SH3PXD2B: variants seen among roughly 807,000 people sequenced by gnomAD.
SH3PXD2B encodes SH3 and PX domain-containing protein 2B.
SH3PXD2B carries 37 observed loss-of-function variants against 73.1 expected under a neutral mutation model. The ratio of observed to expected loss-of-function variants is 0.51; its 90% CI spans 0.39 to 0.67. SH3PXD2B has a LOEUF of 0.67. Ranked by LOEUF, SH3PXD2B falls within the 30% of genes least tolerant of loss-of-function variation. SH3PXD2B has a pLI of 0.00. For missense variants in SH3PXD2B, 1,053 were observed against 1,197.8 expected (o/e 0.88, Z 1.78); for synonymous variants, 457 against 480.5 (o/e 0.95, Z 0.64).
At chr5:172,365,672 T>C (rs1035443530) in intron 6 of SH3PXD2B, among the ~76,000 whole-genome samples, 4 of 152,204 alleles carry the variant, frequency 2.6e-5, no homozygotes, top group African/African-American at 7.2e-5. Context: ...AGCAGTGGCC[T>C]GAGAGTGGGC....
chr5:172,419,106 C>T (rs1021846080), intron 2 of SH3PXD2B, among the ~76,000 whole-genome samples: 1 of 152,158 alleles, frequency 6.6e-6, no homozygotes, highest in Non-Finnish European at 1.5e-5. Context: ...GAGGCTGAGG[C>T]TCAGAAACAT....
intron 12 of SH3PXD2B, among the ~76,000 whole-genome samples, chr5:172,328,073 T>A (rs1346613010): frequency 6.6e-6 from 1 of 150,846 alleles, no homozygotes; most frequent in African/African-American, 2.4e-5. Context: ...CTAATTTTTG[T>A]AATTTTTATA....
Position 172,327,650 on chromosome 5 carries a change from A to C in SH3PXD2B, c.1189-2270T>G, listed in dbSNP as rs1756469620. ...GTCAACCAGACTGGAGTACAGTGGT[A>C]TGATTATAACTCACTGTAGTGTCAA... On this transcript the variant is annotated intron_variant, in intron 12 of 12. Transcript: ENST00000519643. Among the ~76,000 whole-genome samples the C allele has an allele frequency of 3.3e-5, 5 of 152,106 alleles. No homozygotes were observed. The South Asian group carries it at 1.0e-3, about 32-fold the overall frequency.
downstream of SH3PXD2B, chr5:172,333,454 T>C (rs184624587): frequency 1.9e-3 from 2,077 of 1,098,780 alleles, 4 homozygotes; most frequent in Admixed American, 2.6e-3. Context: ...GCCACAAAGC[T>C]ATGTACCCTT....
chr5:172,348,687 C>T (rs1303969324), intron 10 of SH3PXD2B, among the ~76,000 whole-genome samples: 1 of 44,472 alleles, frequency 2.2e-5, no homozygotes. Context: ...ATCTATCTAT[C>T]TATCTATCTA....
chr5:172,406,866 G>T (rs944210663), intron 2 of SH3PXD2B, among the ~76,000 whole-genome samples: 2 of 152,178 alleles, frequency 1.3e-5, no homozygotes, highest in Non-Finnish European at 2.9e-5. Flanking sequence ...GCGAGGAAAA[G>T]ATTCATAATC....
At chr5:172,329,933 A>G (rs17074634), downstream of SH3PXD2B, among the ~76,000 whole-genome samples, 15,037 of 152,114 alleles carry the variant, frequency 0.099, 770 homozygotes, top group East Asian at 0.18. Flanking sequence ...CTAAAGGAAA[A>G]CGTGTTTAGG....
At chr5:172,325,515 A>C in intron 12 of SH3PXD2B, 1 of 611,734 alleles carries the variant, frequency 1.6e-6, no homozygotes, top group Non-Finnish European at 2.9e-6. Flanking sequence ...ACAGGGATTT[A>C]TTTCTCACAG....
At chr5:172,402,452 C>A (rs1313789191) in intron 3 of SH3PXD2B, among the ~76,000 whole-genome samples, 1 of 152,224 alleles carries the variant, frequency 6.6e-6, no homozygotes, top group Non-Finnish European at 1.5e-5. Context: ...GTGACCCACA[C>A]CCTATTCGTA....
At chr5:172,398,246 C>T (rs543863423) in intron 3 of SH3PXD2B, among the ~76,000 whole-genome samples, 2 of 152,338 alleles carry the variant, frequency 1.3e-5, no homozygotes, top group East Asian at 3.9e-4. Flanking sequence ...AAAAATTGGC[C>T]TCTCATAGTT....
At chr5:172,438,892 C>T (rs1759454422) in intron 1 of SH3PXD2B, among the ~76,000 whole-genome samples, 1 of 151,402 alleles carries the variant, frequency 6.6e-6, no homozygotes, top group African/African-American at 2.4e-5. Context: ...TTTACAGCAT[C>T]CACGTAAAGT....
exon 13 of SH3PXD2B, chr5:172,325,208 C>T: frequency 8.7e-7 from 1 of 1,151,166 alleles, no homozygotes; most frequent in Non-Finnish European, 1.2e-6. Flanking sequence ...TTTACCACGA[C>T]AAAAAAAAAT....
rs983103050 is a variant in SH3PXD2B at position 172,335,318 on chromosome 5, G to A, written c.*3051C>T. ...ACTGAAATGTGTGAGCAAGGGGCGG[G>A]GGGAAGAGGCACCGAAATTCAGAGG... On this transcript the variant is annotated 3_prime_UTR_variant, in exon 13 of 13. Transcript: ENST00000311601. 1 of 1,182,448 alleles carries A rather than the reference G, an allele frequency of 8.5e-7. No homozygotes were observed. The highest frequency in any genetic ancestry group is 4.4e-5 in the South Asian group (1 of 22,988). 73.2% of individuals were successfully genotyped at this position (1,182,448 alleles called of 1,614,324 possible). A position where few individuals can be genotyped will look rare whatever the true frequency, so the allele number is the denominator to read the frequency against.
At chr5:172,442,627 T>A (rs953765728) in intron 1 of SH3PXD2B, among the ~76,000 whole-genome samples, 2 of 152,234 alleles carry the variant, frequency 1.3e-5, no homozygotes, top group African/African-American at 4.8e-5. Context: ...TGTTTCTTAA[T>A]ATGTGGTCAT....
In SH3PXD2B at chr5:172,454,414, G is replaced by C. The variant is rs1759886311; in HGVS notation, c.-62C>G. 6 of 1,082,592 alleles carry C rather than the reference G, an allele frequency of 5.5e-6. No homozygotes were observed. The highest frequency in any genetic ancestry group is 6.9e-6 in the Non-Finnish European group (6 of 868,154). 67.1% of individuals were successfully genotyped at this position (1,082,592 alleles called of 1,614,324 possible). A position where few individuals can be genotyped will look rare whatever the true frequency, so the allele number is the denominator to read the frequency against. ...GCGGGTGGCGCGGGGTGCAGGGAGC[G>C]CTGGGGGCGCGCCGCCGCGGGCAGG... On this transcript the variant is annotated 5_prime_UTR_variant, in exon 1 of 13. Transcript: ENST00000311601.
intron 4 of SH3PXD2B, among the ~76,000 whole-genome samples, chr5:172,384,375 A>G (rs149119499): frequency 3.0e-4 from 45 of 152,266 alleles, no homozygotes; most frequent in African/African-American, 1.1e-3. Context: ...AAAGCTTACC[A>G]TCTTACCCAT....
Position 172,336,021 on chromosome 5 carries a change from C to G in SH3PXD2B, c.*2348G>C, listed in dbSNP as rs543920533. 17 of 1,003,540 alleles carry G rather than the reference C, an allele frequency of 1.7e-5. No individual in the cohort carries two copies. The highest frequency in any genetic ancestry group is 1.9e-5 in the Non-Finnish European group (16 of 842,512). 62.2% of individuals were successfully genotyped at this position (1,003,540 alleles called of 1,614,324 possible). On this transcript the variant is annotated 3_prime_UTR_variant, in exon 13 of 13. Transcript: ENST00000311601. ...AAGTCTGCTCCTACCCAGCTGACCC[C>G]CGGGAGGAAGGAATGAAGCAAGAGA... is the stretch of plus-strand genomic sequence containing the variant.
rs756816525 is a variant in SH3PXD2B at position 172,346,172 on chromosome 5, T to C, written c.1152A>G (p.Pro384=). Residue 384 remains proline, a synonymous_variant, in exon 12 of 13, where the codon CCA becomes CCG. Transcript: ENST00000311601. ...GGCCTGCCTGGAAGCTGATGCCGTCTGGGATGGTTGTCTGGAATTCGGCGA... is the reference window on the plus strand; with the variant it reads ...GGCCTGCCTGGAAGCTGATGCCGTCCGGGATGGTTGTCTGGAATTCGGCGA... ...YTIAEFQTTI[P]DGISFQAGLK... 4 of 1,614,128 alleles carry C rather than the reference T, an allele frequency of 2.5e-6. No individual in the cohort carries two copies. The South Asian group carries it at 4.4e-5, about 18-fold the overall frequency.
rs995930009 is a variant in SH3PXD2B, at chr5:172,334,457, AG to A, written c.*3911del. ...ACGAGGTCATCTTTGGTCTGTGGTG[AG>A]GTATGGATGTCTGCAGTCTACACAA... On this transcript the variant is annotated 3_prime_UTR_variant, in exon 13 of 13. Transcript: ENST00000311601. 3.2e-5 allele frequency: 32 copies of A among 987,536 alleles called. No individual in the cohort carries two copies. Among genetic ancestry groups the A allele is most frequent in the African/African-American group, 5.2e-5 (3 of 57,234 alleles). 61.2% of individuals were successfully genotyped at this position (987,536 alleles called of 1,614,324 possible).
Sources: allele counts gnomAD v4.1 joint callset (sites outside exome capture counted in the v4.1 genomes callset), GRCh38; gene constraint gnomAD v4.1.1; transcripts MANE v1.5; gene names NCBI Gene and HGNC (gene_info 2026-07-23, HGNC 2026-07-21).